The following EXOC1L variants were observed in gnomAD, a reference collection of about 807,000 sequenced individuals.
The protein encoded by EXOC1L is exocyst complex component 1-like.
A neutral mutation model predicts 4.9 loss-of-function variants in EXOC1L; 10 were observed. The observed-to-expected ratio is 2.02, with a 90% confidence interval of 1.25 to 3.43. EXOC1L has a LOEUF of 3.43. Ranked by LOEUF, EXOC1L falls within the 30% of genes most tolerant of loss-of-function variation. The pLI is 0.00. For missense variants in EXOC1L, 114 were observed against 59.4 expected (o/e 1.92, Z -3.02); for synonymous variants, 41 against 20.8 (o/e 1.97, Z -2.63).
intron 2 of EXOC1L, among the ~76,000 whole-genome samples, chr4:55,834,304 T>C (rs1191082121): frequency 6.6e-6 from 1 of 151,904 alleles, no homozygotes; most frequent in African/African-American, 2.4e-5. Flanking sequence ...AAAATTGAGC[T>C]TGTGCTGATT....
At chr4:55,829,710 C>G (rs1203714353) in intron 1 of EXOC1L, among the ~76,000 whole-genome samples, 4 of 152,164 alleles carry the variant, frequency 2.6e-5, no homozygotes, top group Non-Finnish European at 4.4e-5. Flanking sequence ...GCTCAACTGG[C>G]TGTCTTGATT....
At chr4:55,835,224 T>C (rs1283439918) in intron 2 of EXOC1L, among the ~76,000 whole-genome samples, 1 of 150,850 alleles carries the variant, frequency 6.6e-6, no homozygotes, top group Non-Finnish European at 1.5e-5. Flanking sequence ...ATATATGTTA[T>C]ATATATTATT....
intron 1 of EXOC1L, among the ~76,000 whole-genome samples, chr4:55,829,662 C>T (rs1719973136): frequency 1.3e-5 from 2 of 152,198 alleles, no homozygotes; most frequent in Admixed American, 6.5e-5. Flanking sequence ...TGCTTCCACT[C>T]CCTTCTCCCG....
intron 1 of EXOC1L, among the ~76,000 whole-genome samples, chr4:55,830,128 C>G (rs774826140): frequency 2.6e-5 from 4 of 152,190 alleles, no homozygotes; most frequent in Admixed American, 6.5e-5. Flanking sequence ...CGATCCTTTC[C>G]CTTCTCAGAA....
intron 1 of EXOC1L, among the ~76,000 whole-genome samples, chr4:55,831,003 G>A (rs796278886): frequency 2.6e-5 from 4 of 152,262 alleles, no homozygotes; most frequent in East Asian, 3.9e-4. Flanking sequence ...GTATGCTAAG[G>A]CTAAGCCTCT....
intron 2 of EXOC1L, among the ~76,000 whole-genome samples, chr4:55,834,483 G>T (rs1253787563): frequency 6.6e-6 from 1 of 151,970 alleles, no homozygotes; most frequent in African/African-American, 2.4e-5. Flanking sequence ...GAGACAGGCA[G>T]ATTTGTATCC....
chr4:55,823,860 T>C (rs1324598676), intron 1 of EXOC1L, among the ~76,000 whole-genome samples: 2 of 152,170 alleles, frequency 1.3e-5, no homozygotes, highest in Non-Finnish European at 2.9e-5. Context: ...ATATCTTCCC[T>C]TTTATGACCT....
Position 55,834,256 on chromosome 4 carries a change from T to C in EXOC1L, c.252+2792T>C, listed in dbSNP as rs1222545441. Among the ~76,000 whole-genome samples, 5 of 151,942 alleles carry C rather than the reference T, an allele frequency of 3.3e-5. No homozygotes were observed. The East Asian group carries it at 9.6e-4, about 29-fold the overall frequency. ...AGCAGAAATCAAAATGACTGGGGAT[T>C]TGGAGACTGGTGCAACAGGAGACAG... On this transcript the variant is annotated intron_variant, in intron 2 of 2. Coordinates refer to ENST00000636125, the MANE Select transcript of EXOC1L (RefSeq NM_001351574.3).
chr4:55,832,872 C>T (rs1028981684), intron 2 of EXOC1L, among the ~76,000 whole-genome samples: 6 of 151,802 alleles, frequency 4.0e-5, no homozygotes, highest in African/African-American at 1.5e-4. Context: ...TATACCAGGC[C>T]CCACTAGGCT....
intron 1 of EXOC1L, among the ~76,000 whole-genome samples, chr4:55,827,798 G>A (rs1472377474): frequency 6.6e-6 from 1 of 152,130 alleles, no homozygotes; most frequent in Admixed American, 6.5e-5. Context: ...ACTGCCTCCT[G>A]GTGGAGGAAA....
intron 1 of EXOC1L, among the ~76,000 whole-genome samples, chr4:55,825,131 A>G (rs1438815493): frequency 6.6e-6 from 1 of 152,220 alleles, no homozygotes; most frequent in East Asian, 1.9e-4. Flanking sequence ...GCACAAGTCC[A>G]TTTAGTACCA....
intron 2 of EXOC1L, among the ~76,000 whole-genome samples, chr4:55,835,869 T>G (rs1020738519): frequency 4.6e-5 from 7 of 151,906 alleles, no homozygotes; most frequent in African/African-American, 1.7e-4. Context: ...TATGTTTTGT[T>G]TTTAACTTTT....
intron 2 of EXOC1L, among the ~76,000 whole-genome samples, chr4:55,834,689 A>G (rs2110286010): frequency 6.6e-6 from 1 of 151,788 alleles, no homozygotes; most frequent in East Asian, 1.9e-4. Context: ...TCTTGGCAGA[A>G]CTGTCTTTCA....
At chr4:55,834,328 T>C (rs7674801) in intron 2 of EXOC1L, among the ~76,000 whole-genome samples, 6,088 of 151,934 alleles carry the variant, frequency 0.04, 168 homozygotes, top group Admixed American at 0.082. Context: ...ATCTTGGGTT[T>C]TGTCCTGGCT....
intron 1 of EXOC1L, among the ~76,000 whole-genome samples, chr4:55,829,843 C>A (rs1470450591): frequency 6.6e-6 from 1 of 152,200 alleles, no homozygotes; most frequent in Non-Finnish European, 1.5e-5. Context: ...GACACAGGTC[C>A]AAAGTGGTTT....
At position 55,831,388 on chromosome 4, in the gene EXOC1L, TA is replaced by T; in HGVS notation, c.177del (p.Asp60MetfsTer6). Reference sequence around the variant, plus strand: ...ATGGTGAAACACTACAGAATAGGTTTAGATGAAAAATATGAAGTAACAAAAA... The same window carrying T: ...ATGGTGAAACACTACAGAATAGGTTTGATGAAAAATATGAAGTAACAAAAA... Reference protein sequence around the residue: ...IVMVKHYRIGLDEKYEVTKKW... With the variant: ...IVMVKHYRIGXDEKYEVTKKW... On this transcript the variant is annotated frameshift_variant, in exon 2 of 3. Transcript: ENST00000636125. LOFTEE classifies it high-confidence loss of function. The T allele has an allele frequency of 2.9e-6, 2 of 693,850 alleles. No individual in the cohort carries two copies. Among genetic ancestry groups the T allele is most frequent in the Non-Finnish European group, 5.2e-6 (2 of 381,130 alleles). The allele number at this position is 693,850 out of a possible 1,614,324, so 43.0% of individuals were successfully genotyped here.
rs1045416368 is a variant in EXOC1L at position 55,829,443 on chromosome 4, G to T, written c.122-1891G>T. Among the ~76,000 whole-genome samples the T allele has an allele frequency of 2.6e-5, 4 of 152,126 alleles. 1 individual carries two copies. Among genetic ancestry groups the T allele is most frequent in the Admixed American group, 2.6e-4 (4 of 15,268 alleles). On this transcript the variant is annotated intron_variant, in intron 1 of 2. Transcript: ENST00000636125. ...GTCCAGTGCCAGAACTCATTAAGCT[G>T]CATTGCATTTTCCAGGGTCCTCCAG...
intron 1 of EXOC1L, among the ~76,000 whole-genome samples, chr4:55,826,401 C>A (rs915766046): frequency 3.3e-5 from 5 of 152,056 alleles, no homozygotes; most frequent in Admixed American, 6.5e-5. Flanking sequence ...CATTTAGCCT[C>A]ATGAATAATA....
chr4:55,833,158 TTAAA>T (rs909546937), intron 2 of EXOC1L, among the ~76,000 whole-genome samples: 7 of 152,008 alleles, frequency 4.6e-5, no homozygotes, highest in Admixed American at 3.9e-4. Context: ...TAGGAAATGG[TTAAA>T]TATATTATTA....
Sources: gnomAD v4.1 joint callset for allele counts (sites outside exome capture counted in the v4.1 genomes callset) on GRCh38, gnomAD v4.1.1 for gene constraint, MANE v1.5 for transcripts, NCBI Gene and HGNC (gene_info 2026-07-23, HGNC 2026-07-21) for gene names.